The following SHROOM3 variants were observed in gnomAD, a reference collection of about 807,000 sequenced individuals.
SHROOM3 encodes shroom family member 3.
In SHROOM3, 47 loss-of-function variants were observed where a neutral mutation model predicts 138.6. That is an observed-to-expected ratio of 0.34 (90% CI 0.27 to 0.43). The LOEUF is 0.43. SHROOM3 is among the 20% of genes least tolerant of loss of function. The pLI, the probability that SHROOM3 is intolerant of heterozygous loss-of-function variation, is 1.00. For synonymous variants in SHROOM3, 1,062 were observed against 1,063.3 expected (o/e 1.00, Z 0.02); for missense variants, 2,491 against 2,596.5 (o/e 0.96, Z 0.88).
intron 2 of SHROOM3, among the ~76,000 whole-genome samples, chr4:76,619,984 C>A (rs1734962852): frequency 6.8e-6 from 1 of 147,960 alleles, no homozygotes. Flanking sequence ...ATTACTTGAA[C>A]CTGGTGGAGG....
At chr4:76,702,885 T>C (rs1405545626) in intron 2 of SHROOM3, among the ~76,000 whole-genome samples, 3 of 152,168 alleles carry the variant, frequency 2.0e-5, no homozygotes, top group Non-Finnish European at 4.4e-5. Context: ...GTCATTTGGC[T>C]TTTTCTCCTA....
At chr4:76,592,281 G>A (rs1734290403) in intron 2 of SHROOM3, among the ~76,000 whole-genome samples, 1 of 152,194 alleles carries the variant, frequency 6.6e-6, no homozygotes, top group Admixed American at 6.5e-5. Flanking sequence ...CTGGGAGGCA[G>A]TTAGCTTTTA....
Position 76,754,919 on chromosome 4 carries a change from C to T in SHROOM3, c.4436C>T (p.Pro1479Leu), listed in dbSNP as rs765228624. 6.2e-6 allele frequency: 10 copies of T among 1,614,172 alleles called. No homozygotes were observed. Among genetic ancestry groups the T allele is most frequent in the Middle Eastern group, 1.6e-4 (1 of 6,062 alleles). ...TSDPDTPLGA[P>L]STPGRISLRI... ...GACCCAGACACACCTCTTGGGGCCCCGAGCACTCCAGGGAGGATCTCCCTC... is the reference window on the plus strand; with the variant it reads ...GACCCAGACACACCTCTTGGGGCCCTGAGCACTCCAGGGAGGATCTCCCTC... The change falls in exon 7 of 11, where the codon CCG (proline) becomes CTG (leucine). Residue 1479 changes from proline (P) to leucine (L), a missense_variant. Around this residue, in one of 4 missense-constraint regions of SHROOM3, gnomAD observed 1,733 missense variants for 1,661.6 expected, o/e 1.04. Transcript: ENST00000296043.
Position 76,779,129 on chromosome 4 carries a change from G to A in SHROOM3, c.5943G>A (p.Gly1981=). 8 of 1,613,960 alleles carry A rather than the reference G, an allele frequency of 5.0e-6. No homozygotes were observed. Among genetic ancestry groups the A allele is most frequent in the Non-Finnish European group, 6.8e-6 (8 of 1,179,922 alleles). ...TCACGAGTGAGCCCATTCCTGCTGG[G>A]GGCTGTACTTTCAGTGGTATTTTCC... The part of the protein sequence containing the change: ...PNLTSEPIPA[G]GCTFSGIFPT... The change falls in exon 11 of 11, where the codon GGG becomes GGA. Residue 1981 remains glycine, a synonymous_variant. Coordinates refer to ENST00000296043, the MANE Select transcript of SHROOM3 (RefSeq NM_020859.4).
chr4:76,675,729 G>A (rs1034072010), intron 2 of SHROOM3, among the ~76,000 whole-genome samples: 1 of 152,204 alleles, frequency 6.6e-6, no homozygotes, highest in African/African-American at 2.4e-5. Flanking sequence ...GATGATGTGT[G>A]CCTGTAGTCT....
At chr4:76,735,860 AAAAAAAAAATATATATATAT>A (rs1227085322) in intron 4 of SHROOM3, among the ~76,000 whole-genome samples, 12 of 18,786 alleles carry the variant, frequency 6.4e-4, no homozygotes, top group East Asian at 1.4e-3. Context: ...AAAAAAAAAA[AAAAAAAAAATATATATATAT>A]ATATATATAT....
rs1172114168 is a variant in SHROOM3, at chr4:76,710,166, AC to A, written c.335del (p.Thr112LysfsTer38). 1 of 1,614,010 alleles carries A rather than the reference AC, an allele frequency of 6.2e-7. No homozygotes were observed. The highest frequency in any genetic ancestry group is 2.2e-5 in the East Asian group (1 of 44,886). ...LRLVVRRDVC[T>X]DPGHADTGAS... ...TCCTATTGTTGACAGAGATGTGTGCACAGACCCAGGCCATGCAGATACTGGT... is the reference window on the plus strand; with the variant it reads ...TCCTATTGTTGACAGAGATGTGTGCAAGACCCAGGCCATGCAGATACTGGT... On this transcript the variant is annotated frameshift_variant, in exon 3 of 11. Coordinates refer to ENST00000296043, the MANE Select transcript of SHROOM3 (RefSeq NM_020859.4). LOFTEE classifies it high-confidence loss of function.
At position 76,464,156 on chromosome 4, in the gene SHROOM3, G is replaced by A. The variant is rs554595044; in HGVS notation, c.168+27936G>A. Reference sequence around the variant, plus strand: ...CCAGCCTGTGAAAGCAGCTGTGGGGGCCATAACCTGCAGAGCCACAGGGGT... The same window carrying A: ...CCAGCCTGTGAAAGCAGCTGTGGGGACCATAACCTGCAGAGCCACAGGGGT... On this transcript the variant is annotated intron_variant, in intron 1 of 10. Transcript: ENST00000296043. Among the ~76,000 whole-genome samples, 14 of 152,344 alleles carry A rather than the reference G, an allele frequency of 9.2e-5. No individual in the cohort carries two copies. The East Asian group carries it at 2.3e-3, about 25-fold the overall frequency.
intron 1 of SHROOM3, among the ~76,000 whole-genome samples, chr4:76,544,402 A>C (rs1579225546): frequency 7.2e-6 from 1 of 138,390 alleles, no homozygotes; most frequent in Non-Finnish European, 1.6e-5. Flanking sequence ...AAGATAGCTC[A>C]ATGGCTTTTT....
chr4:76,688,982 T>A (rs1719416573), intron 2 of SHROOM3: 1 of 880,522 alleles, frequency 1.1e-6, no homozygotes, highest in Admixed American at 6.3e-5. Context: ...TTTTTTTAGC[T>A]GTGAACTTTT....
chr4:76,719,424 T>C (rs1720471263), intron 3 of SHROOM3, among the ~76,000 whole-genome samples: 1 of 152,246 alleles, frequency 6.6e-6, no homozygotes, highest in South Asian at 2.1e-4. Flanking sequence ...AAATTATTTA[T>C]TGGTAATTAG....
At chr4:76,541,583 G>A (rs80216606) in intron 1 of SHROOM3, among the ~76,000 whole-genome samples, 2,031 of 151,454 alleles carry the variant, frequency 0.013, 27 homozygotes, top group African/African-American at 0.032. Flanking sequence ...GAAAAAAGTC[G>A]CACTGCACTT....
chr4:76,665,907 C>A (rs1375073705), intron 2 of SHROOM3, among the ~76,000 whole-genome samples: 1 of 152,176 alleles, frequency 6.6e-6, no homozygotes, highest in African/African-American at 2.4e-5. Context: ...TACCTTCATT[C>A]CCTGATAAGC....
intron 1 of SHROOM3, among the ~76,000 whole-genome samples, chr4:76,479,107 G>T (rs1241124177): frequency 9.2e-5 from 14 of 151,980 alleles, no homozygotes; most frequent in Non-Finnish European, 1.9e-4. Context: ...GCCAACAAGG[G>T]AACAAAACTG....
intron 3 of SHROOM3, among the ~76,000 whole-genome samples, chr4:76,720,613 CTTTT>C (rs35881578): frequency 2.9e-5 from 4 of 135,686 alleles, no homozygotes; most frequent in African/African-American, 2.7e-5. Context: ...TGAATTCTTT[CTTTT>C]TTTTTTTTTT....
At chr4:76,588,824 G>A (rs1346932292) in intron 2 of SHROOM3, among the ~76,000 whole-genome samples, 2 of 152,002 alleles carry the variant, frequency 1.3e-5, no homozygotes, top group Non-Finnish European at 2.9e-5. Flanking sequence ...AAATGTCGCT[G>A]GTTAATAGGG....
intron 2 of SHROOM3, among the ~76,000 whole-genome samples, chr4:76,652,481 A>G (rs1471904906): frequency 4.6e-5 from 7 of 152,160 alleles, no homozygotes; most frequent in African/African-American, 1.2e-4. Flanking sequence ...GCATGTATGA[A>G]AAGAATTGCC....
chr4:76,734,908 C>T (rs902680484), intron 4 of SHROOM3, among the ~76,000 whole-genome samples: 2 of 152,068 alleles, frequency 1.3e-5, no homozygotes, highest in African/African-American at 2.4e-5. Flanking sequence ...AGAAGAGATG[C>T]TCTTTAGTTA....
At chr4:76,562,294 G>A (rs796909488) in intron 2 of SHROOM3, among the ~76,000 whole-genome samples, 6 of 152,030 alleles carry the variant, frequency 3.9e-5, no homozygotes, top group African/African-American at 1.2e-4. Flanking sequence ...ACACTCCCCC[G>A]AATTCACCGT....
Sources: allele counts gnomAD v4.1 joint callset (sites outside exome capture counted in the v4.1 genomes callset), GRCh38; gene constraint gnomAD v4.1.1; regional missense constraint gnomAD v4.1.1; transcripts MANE v1.5; gene names NCBI Gene and HGNC (gene_info 2026-07-23, HGNC 2026-07-21).